Variants in ELN observed in about 807,000 individuals in gnomAD.
The protein encoded by ELN is tropoelastin.
Under a neutral mutation model 105.8 loss-of-function variants are expected in ELN, and 65 were observed. That is an observed-to-expected ratio of 0.61 (90% CI 0.50 to 0.75). The LOEUF (loss-of-function observed/expected upper bound fraction) is 0.75, where lower values mean the gene tolerates loss of function less well. Among genes scored for constraint, ELN ranks in the 30% least tolerant of loss-of-function variants. The pLI, the probability that ELN is intolerant of heterozygous loss-of-function variation, is 0.00. For missense variants in ELN, 882 were observed against 969.4 expected (o/e 0.91, Z 1.20); for synonymous variants, 368 against 389.2 (o/e 0.95, Z 0.64).
rs1191522482 is a variant in ELN at position 74,037,747 on chromosome 7, C to T, written c.196+8C>T. ...GCAAACCTCTTAAGCCAGGTAAGAC[C>T]CAAGGCCTCGGAGCATTGAGAGACA... On this transcript the variant is annotated splice_region_variant and intron_variant, in intron 4 of 32. Transcript: ENST00000252034. 8 of 1,611,240 alleles carry T rather than the reference C, an allele frequency of 5.0e-6. No individual in the cohort carries two copies. The Admixed American group carries it at 1.0e-4, about 20-fold the overall frequency.
At chr7:74,057,875 G>A (rs182183816) in intron 22 of ELN, among the ~76,000 whole-genome samples, 179 bp downstream of exon 22, 1 of 152,270 alleles carries the variant, frequency 6.6e-6, no homozygotes, top group Non-Finnish European at 1.5e-5. Flanking sequence ...GAGTGTGGGT[G>A]ATGTTTCTGA....
rs1554679843 is a variant in ELN at position 74,056,412 on chromosome 7, G to T, written c.1292G>T (p.Gly431Val). The change falls in exon 20 of 33, where the codon GGT becomes GTT. Residue 431 changes from glycine (G) to valine (V), a missense_variant. By Grantham distance (109) the Gly-to-Val change is moderately radical (BLOSUM62 -3). Transcript: ENST00000252034. Reference sequence around the variant, plus strand: ...GTCGGAGGTGTTCCCGGAGTCGGAGGTGTCCCGGGAGTTGGCATTTCCCGT... The same window carrying T: ...GTCGGAGGTGTTCCCGGAGTCGGAGTTGTCCCGGGAGTTGGCATTTCCCGT... ...PGVGGVPGVG[G>V]VPGVGISPEA... is the part of the protein sequence containing the mutation. 6.2e-7 allele frequency: 1 copy of T among 1,613,822 alleles called. No individual in the cohort carries two copies. Among genetic ancestry groups the T allele is most frequent in the Admixed American group, 1.7e-5 (1 of 59,992 alleles).
At chr7:74,048,649 T>C (rs1398233545) in intron 15 of ELN, 93 bp downstream of exon 15, 14 of 1,485,730 alleles carry the variant, frequency 9.4e-6, no homozygotes, top group Non-Finnish European at 1.3e-5. Context: ...AAGTGGCCCC[T>C]ACATACCCCC....
chr7:74,028,963 C>CTG (rs1262170286), intron 1 of ELN, among the ~76,000 whole-genome samples: 4 of 152,108 alleles, frequency 2.6e-5, no homozygotes, highest in African/African-American at 9.7e-5. Flanking sequence ...AGATGCCCGG[C>CTG]TGTGTCACTG....
rs1793116606 is a variant in ELN, at chr7:74,048,563, G to GCCC, written c.799+9_799+11dup. The stretch of plus-strand genomic sequence containing the variant: ...AAAGCAGCAGCAAAGTTCGGTGAGT[G>GCCC]CCCCTGGAGTCCCCACCTGGTGGCC... On this transcript the variant is annotated splice_region_variant and intron_variant, in intron 15 of 32. Coordinates refer to ENST00000252034, the MANE Select transcript of ELN (RefSeq NM_000501.4). 1.2e-6 allele frequency: 2 copies of GCCC among 1,613,602 alleles called. No homozygotes were observed. The highest frequency in any genetic ancestry group is 1.7e-5 in the Admixed American group (1 of 59,978).
At chr7:74,048,422 C>T (rs201224249) in intron 14 of ELN, 81 bp from the exon 15 acceptor site, 104 of 1,606,216 alleles carry the variant, frequency 6.5e-5, no homozygotes, top group Non-Finnish European at 1.8e-5. Context: ...TGGATTGGCT[C>T]TCTTGGGGCT....
chr7:74,032,532 C>T (rs1026173654), intron 1 of ELN, among the ~76,000 whole-genome samples: 2 of 152,202 alleles, frequency 1.3e-5, no homozygotes, highest in Non-Finnish European at 2.9e-5. Context: ...GGCAGGAATC[C>T]TTCGTAGCCC....
At position 74,051,955 on chromosome 7, in the gene ELN, A is replaced by G. The variant is rs6979788; in HGVS notation, c.921A>G (p.Ala307=). 1,005 of 1,612,068 alleles carry G rather than the reference A, an allele frequency of 6.2e-4. 7 individuals are homozygous for G. The African/African-American group carries it at 0.011, about 18-fold the overall frequency. ...GGACTCCAGCTGCAGCTGCAGCTGCAGCAGCAGCCGCTAAGGCAGCCAAGT... is the reference window on the plus strand; with the variant it reads ...GGACTCCAGCTGCAGCTGCAGCTGCGGCAGCAGCCGCTAAGGCAGCCAAGT... ...GVGTPAAAAA[A]AAAAKAAKYG... Residue 307 remains alanine (A), a synonymous_variant, in exon 17 of 33, where the codon GCA becomes GCG. Coordinates refer to ENST00000252034, the MANE Select transcript of ELN (RefSeq NM_000501.4).
chr7:74,063,517 C>T lies in ELN; in HGVS notation c.1919-104C>T, dbSNP rs961710584. ...TGCCATCGAAGGCCAGGGGAGACCTCAGGCTCCACCTGTGTCCCCAGAGGA... is the reference window on the plus strand; with the variant it reads ...TGCCATCGAAGGCCAGGGGAGACCTTAGGCTCCACCTGTGTCCCCAGAGGA... On this transcript the variant is annotated intron_variant, in intron 28 of 32. Coordinates refer to ENST00000252034, the MANE Select transcript of ELN (RefSeq NM_000501.4). This position sits in a 1 kb window ranked among gnomAD's most constrained non-coding sequence, Gnocchi z 4.1. 1.7e-5 allele frequency: 28 copies of T among 1,609,540 alleles called. No individual in the cohort carries two copies. The highest frequency in any genetic ancestry group is 2.7e-5 in the African/African-American group (2 of 74,842).
At chr7:74,059,475 A>G in intron 22 of ELN, 1 of 285,758 alleles carries the variant, frequency 3.5e-6, no homozygotes, top group Non-Finnish European at 6.8e-6. Flanking sequence ...CAAGGTCAGG[A>G]GTTTAAGACC....
chr7:74,045,498 G>A (rs1792253159), intron 10 of ELN, among the ~76,000 whole-genome samples: 1 of 152,160 alleles, frequency 6.6e-6, no homozygotes, highest in Admixed American at 6.5e-5. Context: ...CAGTATTTTG[G>A]GAGGGTGAGC....
At chr7:74,036,474 T>G in intron 2 of ELN, 81 bp from the exon 3 acceptor site, 1 of 1,590,570 alleles carries the variant, frequency 6.3e-7, no homozygotes. Context: ...CAGAGGTGGA[T>G]TCAGCCATAG....
chr7:74,043,030 T>A lies in ELN; in HGVS notation c.372T>A (p.Ser124=). The change falls in exon 7 of 33, where the codon TCT becomes TCA. Residue 124 remains serine (S), a synonymous_variant. Transcript: ENST00000252034. ...GVPGVGGLGV[S]AGAVVPQPGA... is the part of the protein sequence containing the mutation. Reference sequence around the variant, plus strand: ...CAGGAGTTGGTGGCTTAGGAGTGTCTGCAGGTACGATGGCTATCCCCGAAC... The same window carrying A: ...CAGGAGTTGGTGGCTTAGGAGTGTCAGCAGGTACGATGGCTATCCCCGAAC... 1.2e-6 allele frequency: 2 copies of A among 1,614,140 alleles called. No individual in the cohort carries two copies. Among genetic ancestry groups the A allele is most frequent in the South Asian group, 1.1e-5 (1 of 91,084 alleles).
At chr7:74,058,546 C>T (rs782292116) in intron 22 of ELN, among the ~76,000 whole-genome samples, 1 of 151,974 alleles carries the variant, frequency 6.6e-6, no homozygotes, top group Non-Finnish European at 1.5e-5. Context: ...GTAGCGACAG[C>T]GGTCTCACTA....
chr7:74,056,793 C>T lies in ELN; in HGVS notation c.1357+80C>T. 4 of 1,592,532 alleles carry T rather than the reference C, an allele frequency of 2.5e-6. No homozygotes were observed. In the Admixed American group the frequency reaches 6.7e-5, roughly 27 times the overall value. ...GTCCAACCTCAGGGCAAACTGGCTC[C>T]CAGGCCTCCAGGACTGAAATGGCCT... On this transcript the variant is annotated intron_variant, in intron 21 of 32. Transcript: ENST00000252034.
chr7:74,045,418 C>G, intron 10 of ELN, 125 bp downstream of exon 10: 1 of 1,036,366 alleles, frequency 9.6e-7, no homozygotes, highest in Admixed American at 2.0e-5. Flanking sequence ...TTTTATGTTC[C>G]AGCCCTGGGC....
chr7:74,048,415 A>G, intron 14 of ELN, 88 bp from the exon 15 acceptor site: 2 of 1,595,838 alleles, frequency 1.3e-6, no homozygotes, highest in East Asian at 2.2e-5. Context: ...ATGTCAGTGG[A>G]TTGGCTCTCT....
rs1413614913 is a variant in ELN, at chr7:74,065,662, T to G, written c.1994-32T>G. On this transcript the variant is annotated intron_variant, in intron 29 of 32. Coordinates refer to ENST00000252034, the MANE Select transcript of ELN (RefSeq NM_000501.4). ...CAGGGCCTGACAGGTGGCATTGGCA[T>G]TCCTGAGCCGTCATGTGCCTCATCT... is the stretch of plus-strand genomic sequence containing the variant. The G allele has an allele frequency of 1.2e-5, 19 of 1,610,954 alleles. No individual in the cohort carries two copies. In the Admixed American group the frequency reaches 3.2e-4, roughly 27 times the overall value.
Position 74,046,633 on chromosome 7 carries a change from G to A in ELN, c.572-63G>A, listed in dbSNP as rs1583802107. The A allele has an allele frequency of 1.9e-6, 3 of 1,564,728 alleles. No individual in the cohort carries two copies. The East Asian group carries it at 6.7e-5, about 35-fold the overall frequency. ...TCCTTCTGTCTGAGCAGAAAGTGGA[G>A]TGGGTGGCGGAGGGTTTGGAAGGGG... On this transcript the variant is annotated intron_variant, in intron 11 of 32. Coordinates refer to ENST00000252034, the MANE Select transcript of ELN (RefSeq NM_000501.4).
Sources: gnomAD v4.1 joint callset for allele counts (sites outside exome capture counted in the v4.1 genomes callset) on GRCh38, gnomAD v4.1.1 for gene constraint, Gnocchi (gnomAD v3.1) non-coding constraint, MANE v1.5 for transcripts, NCBI Gene and HGNC (gene_info 2026-07-23, HGNC 2026-07-21) for gene names.